The following DOCK3 variants were observed in gnomAD, a reference collection of about 807,000 sequenced individuals.
The protein encoded by DOCK3 is dedicator of cytokinesis protein 3.
DOCK3 carries 60 observed loss-of-function variants against 265.6 expected under a neutral mutation model. The observed-to-expected ratio is 0.23, with a 90% CI of 0.18 to 0.28. DOCK3 has a LOEUF of 0.28. Ranked by LOEUF, DOCK3 falls within the 10% of genes least tolerant of loss-of-function variation. The pLI, the probability that DOCK3 is intolerant of heterozygous loss-of-function variation, is 1.00. For synonymous variants in DOCK3, 881 were observed against 938.0 expected, an observed-to-expected ratio of 0.94 and a Z score of 1.11; for missense variants, 1,981 against 2,594.3, an observed-to-expected ratio of 0.76 and a Z score of 5.14.
intron 12 of DOCK3, among the ~76,000 whole-genome samples, chr3:51,166,234 A>G (rs1262650586): frequency 6.6e-6 from 1 of 151,874 alleles, no homozygotes; most frequent in Non-Finnish European, 1.5e-5. Context: ...TATTTTTGGT[A>G]GAGATGAGGT....
chr3:50,722,552 C>T (rs1041406607), intron 1 of DOCK3, among the ~76,000 whole-genome samples: 7 of 152,102 alleles, frequency 4.6e-5, no homozygotes, highest in Non-Finnish European at 7.4e-5. Context: ...TTACACAGTA[C>T]TGTCTGTCAT....
intron 40 of DOCK3, among the ~76,000 whole-genome samples, chr3:51,351,759 C>T (rs911249578): frequency 2.7e-5 from 4 of 150,460 alleles, no homozygotes; most frequent in Non-Finnish European, 2.9e-5. Context: ...CAGGTTCAAG[C>T]GATTCTTCTA....
chr3:50,987,907 A>G (rs2077962581), intron 5 of DOCK3, among the ~76,000 whole-genome samples: 1 of 152,206 alleles, frequency 6.6e-6, no homozygotes, highest in African/African-American at 2.4e-5. Context: ...GTCTCAGCAG[A>G]GCAGTTGCTA....
intron 49 of DOCK3, among the ~76,000 whole-genome samples, chr3:51,363,552 A>G (rs149845439): frequency 0.029 from 4,416 of 152,296 alleles, 89 homozygotes; most frequent in South Asian, 0.046. Flanking sequence ...GTTTGTTACT[A>G]TGTATACATG....
At chr3:50,887,570 A>G (rs569940261) in intron 3 of DOCK3, among the ~76,000 whole-genome samples, 1 of 83,966 alleles carries the variant, frequency 1.2e-5, no homozygotes, top group Non-Finnish European at 2.3e-5. Flanking sequence ...AAAAGAGAAA[A>G]TTTTAGGCCA....
intron 1 of DOCK3, among the ~76,000 whole-genome samples, chr3:50,726,835 G>A (rs1000676738): frequency 6.6e-6 from 1 of 152,042 alleles, no homozygotes; most frequent in Non-Finnish European, 1.5e-5. Flanking sequence ...ATTCAAAATG[G>A]CTGGATTTTA....
At chr3:50,925,508 A>G (rs988396665) in intron 4 of DOCK3, among the ~76,000 whole-genome samples, 7 of 152,076 alleles carry the variant, frequency 4.6e-5, no homozygotes, top group African/African-American at 1.7e-4. Context: ...ATGCCTGTGA[A>G]TAGGCACTGC....
At chr3:51,062,814 A>G (rs2081457306) in intron 5 of DOCK3, among the ~76,000 whole-genome samples, 1 of 152,252 alleles carries the variant, frequency 6.6e-6, no homozygotes, top group African/African-American at 2.4e-5. Flanking sequence ...ATTTTGTTTT[A>G]TCAATATGAA....
At chr3:50,811,760 A>G (rs1244256701) in intron 2 of DOCK3, among the ~76,000 whole-genome samples, 1 of 152,212 alleles carries the variant, frequency 6.6e-6, no homozygotes, top group African/African-American at 2.4e-5. Context: ...ATAAAAAAGA[A>G]TAGAATAAGA....
chr3:51,064,383 CTTTT>C (rs2081519249), intron 5 of DOCK3, 61 bp from the exon 6 acceptor site: 1 of 1,586,704 alleles, frequency 6.3e-7, no homozygotes, highest in Admixed American at 1.7e-5. Context: ...AACTATTTCT[CTTTT>C]TCTTTTCATT....
intron 10 of DOCK3, among the ~76,000 whole-genome samples, chr3:51,148,903 G>A (rs964617844): frequency 1.1e-4 from 17 of 152,140 alleles, no homozygotes; most frequent in Non-Finnish European, 1.9e-4. Context: ...GCTTGATGGG[G>A]ATGGCATTGA....
intron 6 of DOCK3, among the ~76,000 whole-genome samples, chr3:51,073,191 G>A (rs2081945494): frequency 6.6e-6 from 1 of 152,032 alleles, no homozygotes; most frequent in Non-Finnish European, 1.5e-5. Context: ...TTTGGAAAGT[G>A]TTTTACATAT....
chr3:50,811,196 C>T (rs573535463), intron 2 of DOCK3, among the ~76,000 whole-genome samples: 1 of 151,282 alleles, frequency 6.6e-6, no homozygotes, highest in South Asian at 2.1e-4. Flanking sequence ...CAAGACCAGC[C>T]TAATCAACAA....
intron 5 of DOCK3, among the ~76,000 whole-genome samples, chr3:50,984,717 A>G (rs1361654251): frequency 6.6e-6 from 1 of 152,234 alleles, no homozygotes; most frequent in Non-Finnish European, 1.5e-5. Context: ...ATCTATATGT[A>G]TAGTTGGCCT....
intron 49 of DOCK3, among the ~76,000 whole-genome samples, chr3:51,372,528 A>G (rs2087766228): frequency 1.3e-5 from 2 of 152,276 alleles, no homozygotes; most frequent in African/African-American, 4.8e-5. Context: ...TAACCCCCTC[A>G]CACGGATCAG....
chr3:50,984,707 A>C (rs895251428), intron 5 of DOCK3, among the ~76,000 whole-genome samples: 3 of 152,220 alleles, frequency 2.0e-5, no homozygotes, highest in African/African-American at 7.2e-5. Context: ...AACTGCACAT[A>C]TCTATATGTA....
At chr3:50,763,659 T>A (rs1002504784) in intron 1 of DOCK3, among the ~76,000 whole-genome samples, 1 of 152,164 alleles carries the variant, frequency 6.6e-6, no homozygotes, top group African/African-American at 2.4e-5. Context: ...TTATGAAAAA[T>A]TTTGGCATAC....
At position 50,845,305 on chromosome 3, in the gene DOCK3, A is replaced by T. The variant is rs572092644; in HGVS notation, c.162+3590A>T. Among the ~76,000 whole-genome samples the T allele has an allele frequency of 2.7e-4, 41 of 152,314 alleles. No homozygotes were observed. In the East Asian group the frequency reaches 7.3e-3, roughly 27 times the overall value. ...AAAAGGACAACAGATACTTGATTTT[A>T]TTTTTGTGCTTTTTATAAAATATAT... On this transcript the variant is annotated intron_variant, in intron 3 of 52. Coordinates refer to ENST00000266037, the MANE Select transcript of DOCK3 (RefSeq NM_004947.5).
chr3:51,016,451 G>GATATATATATCATATATTTCTACATA (rs1575773859), intron 5 of DOCK3, among the ~76,000 whole-genome samples: 4 of 66,266 alleles, frequency 6.0e-5, no homozygotes, highest in African/African-American at 3.5e-4. Flanking sequence ...TTCTACATAT[G>GATATATATATCATATATTTCTACATA]ATATATATAT....
Sources: allele counts gnomAD v4.1 joint callset (sites outside exome capture counted in the v4.1 genomes callset), GRCh38; gene constraint gnomAD v4.1.1; transcripts MANE v1.5; gene names NCBI Gene and HGNC (gene_info 2026-07-23, HGNC 2026-07-21).